GOLM2: variants seen among roughly 807,000 people sequenced by gnomAD.
GOLM2 encodes the protein golgi membrane protein 2.
In GOLM2, 26 loss-of-function variants were observed where a neutral mutation model predicts 55.9. The ratio of observed to expected loss-of-function variants is 0.47; its 90% CI spans 0.34 to 0.65. The LOEUF is 0.65. Ranked by LOEUF, GOLM2 falls within the 30% of genes least tolerant of loss-of-function variation. The probability of loss-of-function intolerance (pLI) is 0.01; values close to 1 mark genes in which losing one functional copy is unlikely to be tolerated. For synonymous variants in GOLM2, 165 were observed against 194.6 expected, an observed-to-expected ratio of 0.85 and a Z score of 1.27; for missense variants, 486 against 531.8, an observed-to-expected ratio of 0.91 and a Z score of 0.85.
At chr15:44,411,380 T>C (rs1183190693) in intron 9 of GOLM2, among the ~76,000 whole-genome samples, 1 of 152,134 alleles carries the variant, frequency 6.6e-6, no homozygotes, top group African/African-American at 2.4e-5. Context: ...ATACCTAAAG[T>C]AATAGTTTTT....
At chr15:44,346,878 C>T (rs1027073423) in intron 6 of GOLM2, among the ~76,000 whole-genome samples, 13 of 151,974 alleles carry the variant, frequency 8.6e-5, no homozygotes, top group African/African-American at 3.1e-4. Context: ...GCCTGTAATC[C>T]CAACACTTTG....
At chr15:44,305,579 T>C (rs2078831708) in intron 1 of GOLM2, among the ~76,000 whole-genome samples, 1 of 152,182 alleles carries the variant, frequency 6.6e-6, no homozygotes, top group Non-Finnish European at 1.5e-5. Context: ...ATTATAGACG[T>C]GAGCCACTGC....
intron 8 of GOLM2, among the ~76,000 whole-genome samples, chr15:44,399,939 G>A (rs924964938): frequency 1.3e-5 from 2 of 150,192 alleles, no homozygotes; most frequent in Admixed American, 6.7e-5. Flanking sequence ...AGGTTGCAGT[G>A]AGCTGATATC....
At chr15:44,344,289 A>T (rs765892309) in intron 6 of GOLM2, among the ~76,000 whole-genome samples, 2 of 123,730 alleles carry the variant, frequency 1.6e-5, no homozygotes, top group African/African-American at 7.9e-5. Context: ...ATGTGTGTGT[A>T]TATATATATA....
At chr15:44,386,480 T>G (rs1023501503) in intron 8 of GOLM2, among the ~76,000 whole-genome samples, 1 of 152,230 alleles carries the variant, frequency 6.6e-6, no homozygotes, top group Non-Finnish European at 1.5e-5. Context: ...TCCTTCAACT[T>G]TGTTCATCTT....
chr15:44,393,002 C>T (rs184126211), intron 8 of GOLM2, among the ~76,000 whole-genome samples: 39 of 152,166 alleles, frequency 2.6e-4, no homozygotes, highest in Admixed American at 1.2e-3. Context: ...ACTTCTATTC[C>T]GCTTTTCACT....
chr15:44,315,426 A>G (rs1709774693), intron 1 of GOLM2, among the ~76,000 whole-genome samples: 2 of 152,242 alleles, frequency 1.3e-5, no homozygotes, highest in African/African-American at 4.8e-5. Context: ...AAGCAGAGCA[A>G]CTGAGCTGTT....
intron 1 of GOLM2, among the ~76,000 whole-genome samples, chr15:44,290,544 A>G (rs919482964): frequency 6.6e-6 from 1 of 152,148 alleles, no homozygotes; most frequent in South Asian, 2.1e-4. Context: ...TAACATAGAC[A>G]TGCTATGATA....
At chr15:44,344,229 C>T (rs2079107118) in intron 6 of GOLM2, among the ~76,000 whole-genome samples, 1 of 149,442 alleles carries the variant, frequency 6.7e-6, no homozygotes, top group African/African-American at 2.5e-5. Context: ...CACTGCACTC[C>T]AGCCTGGTGT....
intron 6 of GOLM2, among the ~76,000 whole-genome samples, chr15:44,360,681 C>T (rs1277701839): frequency 2.0e-5 from 3 of 152,104 alleles, no homozygotes; most frequent in African/African-American, 2.4e-5. Context: ...AGGAATTGAA[C>T]TCAGCTCTGC....
Position 44,379,749 on chromosome 15 carries a change from C to A in GOLM2, c.862C>A (p.Leu288Ile), listed in dbSNP as rs142590512. ...QHESHQAISH[L>I]PTGQPLSPNM... ...TGAAAGTCATCAAGCAATCTCCCATCTTCCAACTGGACAACCTCTCTCCCC... is the reference window on the plus strand; with the variant it reads ...TGAAAGTCATCAAGCAATCTCCCATATTCCAACTGGACAACCTCTCTCCCC... Residue 288 changes from leucine (L) to isoleucine (I), a missense_variant, in exon 7 of 10, where the codon CTT (leucine) becomes ATT (isoleucine). By Grantham distance (5) the Leu-to-Ile change is conservative (BLOSUM62 2). Transcript: ENST00000299957. 4.4e-6 allele frequency: 7 copies of A among 1,602,448 alleles called. No individual in the cohort carries two copies. Among genetic ancestry groups the A allele is most frequent in the Middle Eastern group, 1.7e-4 (1 of 5,968 alleles).
At chr15:44,314,701 G>A (rs747862810) in intron 1 of GOLM2, among the ~76,000 whole-genome samples, 3 of 152,162 alleles carry the variant, frequency 2.0e-5, no homozygotes, top group Admixed American at 6.5e-5. Context: ...TGAACTATGA[G>A]TAGTGAGAAT....
intron 8 of GOLM2, among the ~76,000 whole-genome samples, chr15:44,400,910 A>G (rs1316218497): frequency 1.3e-5 from 2 of 151,956 alleles, no homozygotes; most frequent in African/African-American, 4.8e-5. Flanking sequence ...TGTAAGTGCA[A>G]TTTGTTCTTT....
chr15:44,397,675 G>A (rs2141209774), intron 8 of GOLM2, among the ~76,000 whole-genome samples: 1 of 151,808 alleles, frequency 6.6e-6, no homozygotes, highest in Non-Finnish European at 1.5e-5. Flanking sequence ...TATTCTGATA[G>A]TTTAACCAAT....
At chr15:44,406,100 G>A (rs2079595697) in intron 9 of GOLM2, among the ~76,000 whole-genome samples, 1 of 152,052 alleles carries the variant, frequency 6.6e-6, no homozygotes, top group South Asian at 2.1e-4. Context: ...AGAACATAGA[G>A]TAGAAAAAAA....
At chr15:44,367,668 G>T (rs2079295115) in intron 6 of GOLM2, among the ~76,000 whole-genome samples, 1 of 152,006 alleles carries the variant, frequency 6.6e-6, no homozygotes, top group South Asian at 2.1e-4. Context: ...GGTGGCGTGG[G>T]CCTGCAGTCC....
chr15:44,306,647 C>T (rs921777637), intron 1 of GOLM2, among the ~76,000 whole-genome samples: 12 of 152,190 alleles, frequency 7.9e-5, no homozygotes, highest in Non-Finnish European at 1.8e-4. Flanking sequence ...GCCCTTTTCA[C>T]TAAGCTTAAT....
chr15:44,295,557 A>G (rs1454740679), intron 1 of GOLM2, among the ~76,000 whole-genome samples: 1 of 152,190 alleles, frequency 6.6e-6, no homozygotes, highest in Non-Finnish European at 1.5e-5. Flanking sequence ...ACAAAATGCC[A>G]CAGACTAGGT....
At chr15:44,411,657 T>A (rs1012511003) in intron 9 of GOLM2, among the ~76,000 whole-genome samples, 19 of 151,330 alleles carry the variant, frequency 1.3e-4, no homozygotes, top group African/African-American at 4.4e-4. Context: ...CTGGCCAACA[T>A]GGTGAAACTA....
Sources: allele counts gnomAD v4.1 joint callset (sites outside exome capture counted in the v4.1 genomes callset), GRCh38; gene constraint gnomAD v4.1.1; transcripts MANE v1.5; gene names NCBI Gene and HGNC (gene_info 2026-07-23, HGNC 2026-07-21).